The following GPC6 variants were observed in gnomAD, a reference collection of about 807,000 sequenced individuals.
The protein encoded by GPC6 is glypican-6.
GPC6 carries 14 observed loss-of-function variants against 55.2 expected under a neutral mutation model. That is an observed-to-expected ratio of 0.25 (90% CI 0.17 to 0.40). The LOEUF is 0.40. Among genes scored for constraint, GPC6 ranks in the 10% least tolerant of loss-of-function variants. The probability of loss-of-function intolerance (pLI) is 1.00; values close to 1 mark genes in which losing one functional copy is unlikely to be tolerated. For synonymous variants in GPC6, 278 were observed against 259.6 expected, an observed-to-expected ratio of 1.07 and a Z score of -0.68; for missense variants, 641 against 708.5, an observed-to-expected ratio of 0.90 and a Z score of 1.08.
rs141839112 is a variant in GPC6, at chr13:93,689,745, G to C, written c.320-140409G>C. On this transcript the variant is annotated intron_variant, in intron 2 of 8. Transcript: ENST00000377047. Reference sequence around the variant, plus strand: ...TGTCCTTATCTAAATATTTCGCCCTGTTTCTAATTTGCAGCAATGTTGCCT... The same window carrying C: ...TGTCCTTATCTAAATATTTCGCCCTCTTTCTAATTTGCAGCAATGTTGCCT... Among the ~76,000 whole-genome samples the C allele has an allele frequency of 1.9e-3, 296 of 152,112 alleles. 2 individuals are homozygous for C. Among genetic ancestry groups the C allele is most frequent in the African/African-American group, 6.7e-3 (277 of 41,522 alleles).
At chr13:93,898,837 C>G (rs2183427) in intron 3 of GPC6, among the ~76,000 whole-genome samples, 100,216 of 150,538 alleles carry the variant, frequency 0.67, 33,929 homozygotes, top group East Asian at 0.8. Flanking sequence ...CCAGGAAGAG[C>G]AAAGCAAGCA....
intron 6 of GPC6, among the ~76,000 whole-genome samples, chr13:94,355,985 T>C (rs888632830): frequency 6.6e-6 from 1 of 152,114 alleles, no homozygotes; most frequent in Non-Finnish European, 1.5e-5. Context: ...CATGTGTCCA[T>C]GTATTTTTAT....
intron 3 of GPC6, among the ~76,000 whole-genome samples, chr13:93,953,278 A>G (rs1879350984): frequency 6.6e-6 from 1 of 152,014 alleles, no homozygotes; most frequent in Non-Finnish European, 1.5e-5. Context: ...TGGAGCATTT[A>G]AACTCCTTCT....
At chr13:94,032,307 A>C (rs1394192776) in intron 4 of GPC6, among the ~76,000 whole-genome samples, 2 of 152,244 alleles carry the variant, frequency 1.3e-5, no homozygotes, top group Non-Finnish European at 2.9e-5. Context: ...GGATAACAGA[A>C]GCATGGGGTG....
intron 4 of GPC6, among the ~76,000 whole-genome samples, chr13:94,112,759 C>T (rs1456483773): frequency 6.6e-6 from 1 of 152,124 alleles, no homozygotes; most frequent in Admixed American, 6.5e-5. Flanking sequence ...TGACACTCTT[C>T]TTATTAAAAG....
At chr13:94,181,987 C>A (rs548216380) in intron 4 of GPC6, among the ~76,000 whole-genome samples, 24 of 152,250 alleles carry the variant, frequency 1.6e-4, no homozygotes, top group African/African-American at 5.5e-4. Context: ...CCAATTCATG[C>A]AGCTAGGAAG....
rs569585156 is a variant in GPC6, at chr13:94,050,767, GA to G, written c.877+22877del. Reference sequence around the variant, plus strand: ...TTTGCCAATCCTCTTACTGAGAGGGGAAAACAGGCTTCCTGACAGCTCTTAT... The same window carrying G: ...TTTGCCAATCCTCTTACTGAGAGGGGAAACAGGCTTCCTGACAGCTCTTAT... On this transcript the variant is annotated intron_variant, in intron 4 of 8. Coordinates refer to ENST00000377047, the MANE Select transcript of GPC6 (RefSeq NM_005708.5). 2.1e-3 allele frequency among the ~76,000 whole-genome samples: 313 copies of G among 152,228 alleles called. 2 individuals are homozygous for G. The highest frequency in any genetic ancestry group is 7.4e-3 in the African/African-American group (308 of 41,538).
At chr13:93,455,859 A>G (rs11618179) in intron 1 of GPC6, among the ~76,000 whole-genome samples, 65,786 of 152,058 alleles carry the variant, frequency 0.43, 15,467 homozygotes, top group Middle Eastern at 0.6. Flanking sequence ...AATATCAAGC[A>G]TCTACCGCTT....
At chr13:94,022,943 G>A (rs535791195) in intron 3 of GPC6, among the ~76,000 whole-genome samples, 4 of 151,968 alleles carry the variant, frequency 2.6e-5, no homozygotes, top group Admixed American at 6.6e-5. Context: ...GCTCAAATAA[G>A]TATTAAAAAT....
At chr13:93,652,010 C>G (rs908230037) in intron 2 of GPC6, among the ~76,000 whole-genome samples, 1 of 152,106 alleles carries the variant, frequency 6.6e-6, no homozygotes, top group Non-Finnish European at 1.5e-5. Flanking sequence ...GGAGGAAAAA[C>G]AAGATAACCA....
chr13:93,947,838 G>A (rs945684309), intron 3 of GPC6, among the ~76,000 whole-genome samples: 1 of 151,950 alleles, frequency 6.6e-6, no homozygotes, highest in Admixed American at 6.6e-5. Flanking sequence ...AATTAGCTGG[G>A]TCTTAAAAGA....
intron 2 of GPC6, among the ~76,000 whole-genome samples, chr13:93,603,255 A>G (rs1441768948): frequency 2.6e-5 from 4 of 152,120 alleles, no homozygotes; most frequent in Non-Finnish European, 1.5e-5. Flanking sequence ...CGATCTGCCC[A>G]CTTCAGCCTC....
intron 3 of GPC6, among the ~76,000 whole-genome samples, chr13:93,886,848 TAGTC>T (rs1222396644): frequency 6.6e-6 from 1 of 151,982 alleles, no homozygotes; most frequent in Non-Finnish European, 1.5e-5. Flanking sequence ...ACTTCAATTT[TAGTC>T]AGTCCATTCT....
chr13:93,915,871 A>T (rs1467458676), intron 3 of GPC6, among the ~76,000 whole-genome samples: 1 of 152,050 alleles, frequency 6.6e-6, no homozygotes, highest in Non-Finnish European at 1.5e-5. Flanking sequence ...CACTGCGCAG[A>T]TTGGATTTAG....
At chr13:93,331,782 T>C (rs1401841903) in intron 1 of GPC6, among the ~76,000 whole-genome samples, 1 of 152,112 alleles carries the variant, frequency 6.6e-6, no homozygotes, top group Non-Finnish European at 1.5e-5. Flanking sequence ...GTCACCCTAC[T>C]GCACTAATGA....
At chr13:94,257,457 A>T (rs1891539180) in intron 4 of GPC6, among the ~76,000 whole-genome samples, 1 of 152,206 alleles carries the variant, frequency 6.6e-6, no homozygotes, top group Admixed American at 6.5e-5. Context: ...TCCAGGGACA[A>T]GGCACTGCGG....
chr13:93,970,795 T>C (rs1286587891), intron 3 of GPC6, among the ~76,000 whole-genome samples: 1 of 152,210 alleles, frequency 6.6e-6, no homozygotes, highest in Non-Finnish European at 1.5e-5. Context: ...ATATTTGTAA[T>C]GTTCAAGTTA....
intron 3 of GPC6, among the ~76,000 whole-genome samples, chr13:93,960,815 C>CTTTTT (rs58063943): frequency 8.2e-6 from 1 of 122,248 alleles, no homozygotes; most frequent in East Asian, 2.3e-4. Flanking sequence ...TTTTTTTTTT[C>CTTTTT]TTTTTTTTTT....
intron 1 of GPC6, among the ~76,000 whole-genome samples, chr13:93,482,419 C>T (rs1315630426): frequency 2.0e-5 from 3 of 152,016 alleles, no homozygotes; most frequent in Non-Finnish European, 4.4e-5. Flanking sequence ...ATTAATTCAC[C>T]AAAGATAAAA....
Sources: gnomAD v4.1 joint callset for allele counts (sites outside exome capture counted in the v4.1 genomes callset) on GRCh38, gnomAD v4.1.1 for gene constraint, MANE v1.5 for transcripts, NCBI Gene and HGNC (gene_info 2026-07-23, HGNC 2026-07-21) for gene names.